COBLL1: variants seen among roughly 807,000 people sequenced by gnomAD.
COBLL1 encodes cordon-bleu protein-like 1.
COBLL1 carries 50 observed loss-of-function variants against 94.8 expected under a neutral mutation model. That is an observed-to-expected ratio of 0.53 (90% CI 0.42 to 0.67). The LOEUF (loss-of-function observed/expected upper bound fraction) is 0.67. Among genes scored for constraint, COBLL1 ranks in the 30% least tolerant of loss-of-function variants. The pLI is 0.00. For missense variants in COBLL1, 1,362 were observed against 1,348.7 expected (o/e 1.01, Z -0.15); for synonymous variants, 448 against 473.8 (o/e 0.95, Z 0.71).
In COBLL1 at chr2:164,791,340, A is replaced by C. The variant is rs760075796; in HGVS notation, c.42-47465T>G. On this transcript the variant is annotated intron_variant, in intron 2 of 13. Transcript: ENST00000652658. ...TTATTCCCTGAGAAAGCCTTTAATG[A>C]CATGGTTAAACAAAACAAAACAAAA... Among the ~76,000 whole-genome samples the C allele has an allele frequency of 6.1e-5, 9 of 146,698 alleles. No individual in the cohort carries two copies. The Admixed American group carries it at 6.2e-4, about 10-fold the overall frequency.
chr2:164,752,388 A>C (rs945400984), intron 2 of COBLL1, among the ~76,000 whole-genome samples: 2 of 151,804 alleles, frequency 1.3e-5, no homozygotes, highest in Non-Finnish European at 2.9e-5. Context: ...ACCACATTAC[A>C]TCATTTCTTT....
intron 1 of COBLL1, among the ~76,000 whole-genome samples, chr2:164,669,763 AT>A (rs1222025294): frequency 6.6e-6 from 1 of 152,236 alleles, no homozygotes; most frequent in Non-Finnish European, 1.5e-5. Context: ...GAAAATTTGC[AT>A]GTGGCTTAAA....
chr2:164,663,473 G>A (rs762256279), intron 2 of COBLL1, among the ~76,000 whole-genome samples: 6 of 152,122 alleles, frequency 3.9e-5, no homozygotes, highest in Admixed American at 1.3e-4. Context: ...TACTGCATAT[G>A]TACCCAAAGG....
intron 2 of COBLL1, among the ~76,000 whole-genome samples, chr2:164,787,532 AT>A (rs1013181417): frequency 3.9e-5 from 6 of 152,158 alleles, no homozygotes; most frequent in East Asian, 3.9e-4. Context: ...AATATATACA[AT>A]TTTTTTTGGC....
At chr2:164,716,437 T>A (rs1685176439) in intron 7 of COBLL1, among the ~76,000 whole-genome samples, 1 of 152,164 alleles carries the variant, frequency 6.6e-6, no homozygotes. Context: ...TGGGAAAGTT[T>A]TCTTTTCAAA....
intron 2 of COBLL1, among the ~76,000 whole-genome samples, chr2:164,802,964 T>C (rs956417801): frequency 6.6e-6 from 1 of 152,222 alleles, no homozygotes; most frequent in Non-Finnish European, 1.5e-5. Context: ...ATGGTCTTTC[T>C]CTTTCTGAAG....
chr2:164,766,098 AC>A (rs1687922833), intron 2 of COBLL1, among the ~76,000 whole-genome samples: 1 of 152,134 alleles, frequency 6.6e-6, no homozygotes, highest in African/African-American at 2.4e-5. Context: ...CTTGAGGTTC[AC>A]CCGTGTTGTA....
At chr2:164,772,646 A>G (rs979320064) in intron 2 of COBLL1, among the ~76,000 whole-genome samples, 10 of 152,100 alleles carry the variant, frequency 6.6e-5, no homozygotes, top group African/African-American at 2.4e-4. Context: ...CTTTTAAGTC[A>G]CCAAACTTTC....
chr2:164,715,186 T>G (rs777719009), intron 7 of COBLL1, among the ~76,000 whole-genome samples: 29 of 152,178 alleles, frequency 1.9e-4, no homozygotes, highest in Non-Finnish European at 5.9e-5. Flanking sequence ...TGGCAAAGTA[T>G]GTATTATATC....
downstream of COBLL1, among the ~76,000 whole-genome samples, chr2:164,676,476 T>C (rs1691338617): frequency 4.6e-5 from 7 of 152,228 alleles, no homozygotes; most frequent in Admixed American, 4.6e-4. Flanking sequence ...TCATTTGGCA[T>C]AAATGTAGCC....
At chr2:164,792,960 C>T (rs1354867027) in intron 2 of COBLL1, among the ~76,000 whole-genome samples, 1 of 152,134 alleles carries the variant, frequency 6.6e-6, no homozygotes, top group Non-Finnish European at 1.5e-5. Context: ...TACAGTTCCT[C>T]CCCATAAAAA....
chr2:164,839,208 C>T (rs950804420), intron 2 of COBLL1, among the ~76,000 whole-genome samples: 9 of 152,250 alleles, frequency 5.9e-5, no homozygotes, highest in East Asian at 3.9e-4. Flanking sequence ...GAAAAGGGGA[C>T]GGCAAAAGTC....
intron 2 of COBLL1, among the ~76,000 whole-genome samples, chr2:164,805,059 C>T (rs1684020796): frequency 3.3e-5 from 5 of 151,632 alleles, no homozygotes; most frequent in Non-Finnish European, 7.4e-5. Context: ...TGATGATGGC[C>T]TCAAGTGGCT....
At chr2:164,781,015 A>G (rs946324674) in intron 2 of COBLL1, among the ~76,000 whole-genome samples, 4 of 152,160 alleles carry the variant, frequency 2.6e-5, no homozygotes, top group African/African-American at 9.7e-5. Context: ...ATACACAAAC[A>G]TCCCTCCAGT....
At chr2:164,787,566 G>A (rs953939140) in intron 2 of COBLL1, among the ~76,000 whole-genome samples, 12 of 151,784 alleles carry the variant, frequency 7.9e-5, no homozygotes, top group African/African-American at 2.9e-4. Flanking sequence ...GTAAGGCTGG[G>A]GGAAAAAATA....
Position 164,694,365 on chromosome 2 carries a change from G to A in COBLL1, c.3027C>T (p.Ala1009=), listed in dbSNP as rs775713851. 3 of 1,613,814 alleles carry A rather than the reference G, an allele frequency of 1.9e-6. No homozygotes were observed. The highest frequency in any genetic ancestry group is 1.7e-5 in the Admixed American group (1 of 59,966). Residue 1009 remains alanine, a synonymous_variant, in exon 12 of 14, where the codon GCC becomes GCT. Coordinates refer to ENST00000652658, the MANE Select transcript of COBLL1 (RefSeq NM_001365672.2). The part of the protein sequence containing the change: ...FSKERTESPS[A]SALVQPPANT... ...TGGCTGGAGGTTGGACCAATGCACT[G>A]GCACTAGGTGACTCGGTGCGCTCTT...
chr2:164,695,948 T>C, intron 11 of COBLL1, 112 bp from the exon 12 acceptor site: 1 of 829,342 alleles, frequency 1.2e-6, no homozygotes, highest in Non-Finnish European at 1.8e-6. Flanking sequence ...TACAGATAAT[T>C]TTCAACTCAC....
chr2:164,663,201 G>T (rs1691099146), intron 2 of COBLL1, among the ~76,000 whole-genome samples: 1 of 152,068 alleles, frequency 6.6e-6, no homozygotes, highest in African/African-American at 2.4e-5. Flanking sequence ...TTTCTTCAAT[G>T]CACATACATT....
At chr2:164,819,272 C>T (rs936894193) in intron 2 of COBLL1, among the ~76,000 whole-genome samples, 6 of 151,854 alleles carry the variant, frequency 4.0e-5, no homozygotes, top group South Asian at 2.1e-4. Context: ...GAACATAGGT[C>T]GTAAAGCATC....
Sources: gnomAD v4.1 joint callset for allele counts (sites outside exome capture counted in the v4.1 genomes callset) on GRCh38, gnomAD v4.1.1 for gene constraint, MANE v1.5 for transcripts, NCBI Gene and HGNC (gene_info 2026-07-23, HGNC 2026-07-21) for gene names.